Variants in FANK1 observed in about 807,000 individuals in gnomAD.
The protein encoded by FANK1 is fibronectin type 3 and ankyrin repeat domains protein 1.
FANK1 carries 44 observed loss-of-function variants against 45.3 expected under a neutral mutation model. The ratio of observed to expected loss-of-function variants is 0.97; its 90% confidence interval spans 0.76 to 1.25. The LOEUF (loss-of-function observed/expected upper bound fraction) is 1.25, where lower values mean the gene tolerates loss of function less well. Among genes scored for constraint, FANK1 ranks in the 50% most tolerant of loss-of-function variants. The probability of loss-of-function intolerance (pLI) is 0.00; values close to 1 mark genes in which losing one functional copy is unlikely to be tolerated. For synonymous variants in FANK1, 149 were observed against 152.5 expected (o/e 0.98, Z 0.17); for missense variants, 391 against 424.4 (o/e 0.92, Z 0.69).
chr10:125,982,817 C>T (rs1314584731), intron 2 of FANK1, among the ~76,000 whole-genome samples: 1 of 152,166 alleles, frequency 6.6e-6, no homozygotes, highest in Non-Finnish European at 1.5e-5. Context: ...GCGTTTTCCC[C>T]TGCAGGATGT....
At chr10:125,900,657 T>C (rs1026719026) in intron 1 of FANK1, among the ~76,000 whole-genome samples, 1 of 152,088 alleles carries the variant, frequency 6.6e-6, no homozygotes, top group African/African-American at 2.4e-5. Context: ...TTGTTGTTTG[T>C]TTTTTGTTTT....
At chr10:125,905,147 A>C (rs1201020552) in intron 1 of FANK1, among the ~76,000 whole-genome samples, 5 of 32,622 alleles carry the variant, frequency 1.5e-4, no homozygotes, top group South Asian at 8.0e-4. Context: ...AAAAAAAAAA[A>C]AAACAAAAAA....
chr10:125,944,702 G>T (rs922256975), intron 1 of FANK1, among the ~76,000 whole-genome samples: 1 of 152,174 alleles, frequency 6.6e-6, no homozygotes, highest in Non-Finnish European at 1.5e-5. Context: ...TAGCATGAGC[G>T]ATCTGTGCCT....
At chr10:125,975,181 CT>C (rs1310121498) in intron 1 of FANK1, among the ~76,000 whole-genome samples, 5 of 152,174 alleles carry the variant, frequency 3.3e-5, no homozygotes, top group Non-Finnish European at 7.3e-5. Context: ...TGATCTCTTT[CT>C]TTTTTATGGC....
At chr10:125,995,380 A>G (rs1952249706) in intron 3 of FANK1, 37 bp from the exon 4 acceptor site, 1 of 1,593,504 alleles carries the variant, frequency 6.3e-7, no homozygotes, top group African/African-American at 1.3e-5. Flanking sequence ...TCCTTTTCTG[A>G]TGTTCTGGAT....
At chr10:125,988,187 G>T (rs1414951919) in intron 2 of FANK1, among the ~76,000 whole-genome samples, 1 of 152,122 alleles carries the variant, frequency 6.6e-6, no homozygotes, top group African/African-American at 2.4e-5. Flanking sequence ...TCACTAGATG[G>T]CCCCCACTTG....
intron 1 of FANK1, among the ~76,000 whole-genome samples, chr10:125,941,844 A>G (rs1009628341): frequency 4.6e-5 from 7 of 152,258 alleles, no homozygotes; most frequent in African/African-American, 1.4e-4. Context: ...AAAGCCAAAC[A>G]ATACGGAAGA....
intron 1 of FANK1, among the ~76,000 whole-genome samples, chr10:125,971,845 A>G (rs1025490776): frequency 2.6e-5 from 4 of 152,044 alleles, no homozygotes; most frequent in African/African-American, 4.8e-5. Flanking sequence ...GATGGTCTCG[A>G]TCTCGTGACT....
At chr10:125,922,988 T>C (rs1451020403) in intron 1 of FANK1, among the ~76,000 whole-genome samples, 3 of 152,116 alleles carry the variant, frequency 2.0e-5, no homozygotes, top group African/African-American at 7.2e-5. Flanking sequence ...TGGCAGAGTT[T>C]TTTTTGTTTG....
At chr10:125,947,256 C>A (rs1160923755) in intron 1 of FANK1, among the ~76,000 whole-genome samples, 4 of 150,862 alleles carry the variant, frequency 2.7e-5, no homozygotes, top group Non-Finnish European at 1.5e-5. Flanking sequence ...CAAATTCACA[C>A]ATAACAATAT....
In FANK1 at chr10:125,897,998, C is replaced by CAAAAAAA. The variant is rs373550249; in HGVS notation, c.13+1373_13+1379dup. Among the ~76,000 whole-genome samples the CAAAAAAA allele has an allele frequency of 2.4e-4, 4 of 16,796 alleles. 1 individual carries two copies. Among genetic ancestry groups the CAAAAAAA allele is most frequent in the African/African-American group, 9.7e-4 (4 of 4,138 alleles). The allele number at this position is 16,796 out of a possible 152,430, so 11.0% of individuals were successfully genotyped here. On this transcript the variant is annotated intron_variant, in intron 1 of 10. Transcript: ENST00000368693. ...AGTGAAACCCATCTCTACTAAAATA[C>CAAAAAAA]AAAAAAAAAAAAAAAAAAAAAAAAA...
intron 1 of FANK1, among the ~76,000 whole-genome samples, chr10:125,928,831 T>G (rs1440740790): frequency 2.6e-5 from 4 of 152,338 alleles, no homozygotes; most frequent in African/African-American, 9.6e-5. Context: ...TTAAAATTAC[T>G]GATTTGTAGG....
intron 8 of FANK1, 33 bp downstream of exon 8, chr10:126,008,583 T>G (rs768258304): frequency 6.3e-7 from 1 of 1,585,826 alleles, no homozygotes; most frequent in Non-Finnish European, 8.6e-7. Context: ...GGCAGTTTTC[T>G]ACGTGGAATT....
chr10:125,901,143 T>C (rs1945004677), intron 1 of FANK1, among the ~76,000 whole-genome samples: 1 of 152,160 alleles, frequency 6.6e-6, no homozygotes, highest in South Asian at 2.1e-4. Context: ...GGTATTTCAG[T>C]GACTAAGAAA....
At chr10:125,940,474 G>A (rs1196475210) in intron 1 of FANK1, among the ~76,000 whole-genome samples, 1 of 152,114 alleles carries the variant, frequency 6.6e-6, no homozygotes, top group Non-Finnish European at 1.5e-5. Flanking sequence ...CAGCATTGCC[G>A]CCAGCATATC....
chr10:126,004,697 T>A, intron 6 of FANK1, 187 bp from the exon 7 acceptor site: 1 of 578,508 alleles, frequency 1.7e-6, no homozygotes, highest in East Asian at 2.9e-5. Context: ...ATTTCTAATA[T>A]TCCATTGTAT....
intron 3 of FANK1, among the ~76,000 whole-genome samples, chr10:125,992,880 C>T (rs970519990): frequency 3.9e-5 from 6 of 152,046 alleles, no homozygotes; most frequent in African/African-American, 1.4e-4. Flanking sequence ...TAACACTTTG[C>T]GGGAGGATCA....
At chr10:125,941,914 G>A (rs1948475438) in intron 1 of FANK1, among the ~76,000 whole-genome samples, 1 of 152,166 alleles carries the variant, frequency 6.6e-6, no homozygotes, top group South Asian at 2.1e-4. Context: ...TGCAAAACTG[G>A]TGGTGGTGTC....
chr10:125,944,846 C>T (rs9787686), intron 1 of FANK1, among the ~76,000 whole-genome samples: 115,963 of 152,142 alleles, frequency 0.76, 44,564 homozygotes, highest in South Asian at 0.8. Flanking sequence ...GGTTTGCTGT[C>T]AGTAAATACG....
Sources: gnomAD v4.1 joint callset for allele counts (sites outside exome capture counted in the v4.1 genomes callset) on GRCh38, gnomAD v4.1.1 for gene constraint, MANE v1.5 for transcripts, NCBI Gene and HGNC (gene_info 2026-07-23, HGNC 2026-07-21) for gene names.